Variants in PDE4D observed in about 807,000 individuals in gnomAD.
PDE4D encodes 3',5'-cyclic-AMP phosphodiesterase 4D.
In PDE4D, 24 loss-of-function variants were observed where a neutral mutation model predicts 87.4. The ratio of observed to expected loss-of-function variants is 0.27; its 90% confidence interval spans 0.20 to 0.39. PDE4D has a LOEUF of 0.39. Among genes scored for constraint, PDE4D ranks in the 10% least tolerant of loss-of-function variants. The pLI, the probability that PDE4D is intolerant of heterozygous loss-of-function variation, is 1.00. For missense variants in PDE4D, 714 were observed against 1,041.0 expected (o/e 0.69, Z 4.32); for synonymous variants, 384 against 383.2 (o/e 1.00, Z -0.02).
intron 1 of PDE4D, chr5:59,558,668 T>A (rs1263951231): frequency 6.6e-6 from 1 of 152,170 alleles, no homozygotes; most frequent in Non-Finnish European, 1.5e-5. Flanking sequence ...TCTGATACCA[T>A]AAATCCAGGC....
intron 5 of PDE4D, among the ~76,000 whole-genome samples, chr5:59,084,858 A>T (rs762534883): frequency 2.6e-4 from 40 of 152,334 alleles, no homozygotes; most frequent in South Asian, 1.0e-3. Context: ...AAGCTAAATT[A>T]ATTCTTATTA....
intron 1 of PDE4D, among the ~76,000 whole-genome samples, chr5:59,381,613 A>T (rs1436300095): frequency 6.6e-6 from 1 of 152,144 alleles, no homozygotes; most frequent in Non-Finnish European, 1.5e-5. Context: ...GCACAATAAT[A>T]AAGCCGTGGT....
At chr5:59,464,820 AC>A (rs768534531) in intron 1 of PDE4D, among the ~76,000 whole-genome samples, 5 of 152,182 alleles carry the variant, frequency 3.3e-5, no homozygotes, top group Non-Finnish European at 7.3e-5. Context: ...AAGGTGAAAA[AC>A]ATCTACGTAT....
At chr5:59,152,237 C>T (rs1185972053) in intron 5 of PDE4D, among the ~76,000 whole-genome samples, 1 of 151,834 alleles carries the variant, frequency 6.6e-6, no homozygotes, top group Non-Finnish European at 1.5e-5. Context: ...GTGTTTGGCA[C>T]ACAGAATTGT....
intron 6 of PDE4D, among the ~76,000 whole-genome samples, chr5:58,997,957 A>G (rs1749620146): frequency 6.6e-6 from 1 of 152,034 alleles, no homozygotes; most frequent in Non-Finnish European, 1.5e-5. Context: ...TCCTCCCAAT[A>G]TATATTTAAG....
At chr5:59,463,038 T>C (rs1464557737) in intron 1 of PDE4D, among the ~76,000 whole-genome samples, 1 of 152,192 alleles carries the variant, frequency 6.6e-6, no homozygotes, top group Non-Finnish European at 1.5e-5. Context: ...TAAAATGTCC[T>C]TGGTTAGTCA....
intron 1 of PDE4D, among the ~76,000 whole-genome samples, chr5:60,446,012 A>G (rs1745611651): frequency 6.6e-6 from 1 of 152,290 alleles, no homozygotes; most frequent in Admixed American, 6.5e-5. Context: ...AAAAATAAGT[A>G]AGGAACATTG....
At chr5:59,873,866 T>C (rs1748168336) in intron 1 of PDE4D, among the ~76,000 whole-genome samples, 1 of 152,290 alleles carries the variant, frequency 6.6e-6, no homozygotes, top group Middle Eastern at 3.4e-3. Context: ...AAAAACCAAG[T>C]AATCTAGTAA....
chr5:59,474,798 CTG>C (rs1803033043), intron 1 of PDE4D, among the ~76,000 whole-genome samples: 1 of 152,008 alleles, frequency 6.6e-6, no homozygotes, highest in Non-Finnish European at 1.5e-5. Context: ...ATATTAATAA[CTG>C]AAGTCATAAA....
intron 1 of PDE4D, among the ~76,000 whole-genome samples, chr5:60,505,419 C>A (rs1045369251): frequency 6.6e-6 from 1 of 152,214 alleles, no homozygotes; most frequent in Non-Finnish European, 1.5e-5. Flanking sequence ...CTCTACCCAG[C>A]TCTGTCTTCT....
chr5:59,871,387 A>G (rs1468117541), intron 1 of PDE4D, among the ~76,000 whole-genome samples: 2 of 152,154 alleles, frequency 1.3e-5, no homozygotes, highest in Admixed American at 1.3e-4. Context: ...CCTGGCCAAC[A>G]CCTTTCTTAA....
chr5:59,651,872 A>G (rs557689442), intron 1 of PDE4D, among the ~76,000 whole-genome samples: 1 of 152,310 alleles, frequency 6.6e-6, no homozygotes, highest in East Asian at 1.9e-4. Flanking sequence ...TTCAAGAATG[A>G]AAGACTCATT....
At chr5:59,081,073 G>A (rs1186272661) in intron 5 of PDE4D, among the ~76,000 whole-genome samples, 1 of 152,122 alleles carries the variant, frequency 6.6e-6, no homozygotes, top group Non-Finnish European at 1.5e-5. Context: ...GATTGGAAAT[G>A]TATTTGACCA....
intron 1 of PDE4D, among the ~76,000 whole-genome samples, chr5:59,610,773 G>A (rs1828896038): frequency 1.3e-5 from 2 of 152,090 alleles, no homozygotes; most frequent in African/African-American, 2.4e-5. Flanking sequence ...GACTACATGA[G>A]GTTTTGAGTG....
rs35911590 is a variant in PDE4D at position 60,390,646 on chromosome 5, TAA to T, written c.-90+97294_-90+97295del. Among the ~76,000 whole-genome samples the T allele has an allele frequency of 4.0e-3, 559 of 138,700 alleles. 4 individuals are homozygous for T. Among genetic ancestry groups the T allele is most frequent in the African/African-American group, 0.013 (506 of 38,578 alleles). 91.0% of individuals were successfully genotyped at this position (138,700 alleles called of 152,430 possible). A position where few individuals can be genotyped will look rare whatever the true frequency, so the allele number is the denominator to read the frequency against. ...TTTCTCTGCAGTAGAAATGATAATTTAAAAAAAAAAAAAAAACAAGAACCACC... is the reference window on the plus strand; with the variant it reads ...TTTCTCTGCAGTAGAAATGATAATTTAAAAAAAAAAAAAACAAGAACCACC... On this transcript the variant is annotated intron_variant, in intron 1 of 16. Coordinates refer to the PDE4D transcript ENST00000502484.
At chr5:59,330,686 A>T (rs1430626388) in intron 1 of PDE4D, among the ~76,000 whole-genome samples, 1 of 152,100 alleles carries the variant, frequency 6.6e-6, no homozygotes, top group African/African-American at 2.4e-5. Flanking sequence ...CTTTTAGTTT[A>T]TTTCGTTTTG....
intron 1 of PDE4D, among the ~76,000 whole-genome samples, chr5:59,281,735 C>G (rs1765835333): frequency 6.6e-6 from 1 of 152,106 alleles, no homozygotes; most frequent in Non-Finnish European, 1.5e-5. Flanking sequence ...CTTCTCCCAG[C>G]CCCTGACAAG....
intron 1 of PDE4D, among the ~76,000 whole-genome samples, chr5:60,201,234 G>GTT (rs1237044145): frequency 7.4e-5 from 10 of 135,242 alleles, no homozygotes; most frequent in African/African-American, 2.4e-4. Context: ...AAGAAATAGA[G>GTT]TTTTTTTTTT....
At chr5:59,905,276 T>C (rs1173435620) in intron 3 of PDE4D, among the ~76,000 whole-genome samples, 2 of 152,120 alleles carry the variant, frequency 1.3e-5, no homozygotes, top group African/African-American at 2.4e-5. Flanking sequence ...CAGAATGCTT[T>C]GTGGAGCGTG....
Sources: allele counts gnomAD v4.1 joint callset (sites outside exome capture counted in the v4.1 genomes callset), GRCh38; gene constraint gnomAD v4.1.1; transcripts MANE v1.5; gene names NCBI Gene and HGNC (gene_info 2026-07-23, HGNC 2026-07-21).